The following TRIM6 variants were observed in gnomAD, a reference collection of about 807,000 sequenced individuals.
The protein encoded by TRIM6 is tripartite motif containing 6, also known as tripartite motif-containing protein 6.
TRIM6 carries 43 observed loss-of-function variants against 51.2 expected under a neutral mutation model. The ratio of observed to expected loss-of-function variants is 0.84; its 90% CI spans 0.66 to 1.08. The LOEUF is 1.08. Among genes scored for constraint, TRIM6 ranks in the 50% least tolerant of loss-of-function variants. The pLI is 0.00. For synonymous variants in TRIM6, 215 were observed against 232.4 expected (o/e 0.93, Z 0.68); for missense variants, 669 against 619.0 (o/e 1.08, Z -0.86).
chr11:5,601,047 G>T (rs1477727029), intron 1 of TRIM6, among the ~76,000 whole-genome samples: 1 of 152,176 alleles, frequency 6.6e-6, no homozygotes, highest in Non-Finnish European at 1.5e-5. Context: ...TCTCAATGAA[G>T]ATATAAGGTC....
At chr11:5,605,219 CCT>C in intron 3 of TRIM6, 116 bp from the exon 4 acceptor site, 1 of 1,352,524 alleles carries the variant, frequency 7.4e-7, no homozygotes, top group Non-Finnish European at 1.0e-6. Context: ...ATTTACCCTC[CCT>C]CTCCCTGGGA....
At position 5,596,912 on chromosome 11, in the gene TRIM6, G is replaced by A; in HGVS notation, c.15G>A (p.Glu5=). Residue 5 remains glutamate, a splice_region_variant and synonymous_variant, in exon 1 of 8, where the codon GAG becomes GAA. Transcript: ENST00000380097. The part of the protein sequence containing the change: MCGS[E]RILQAGNILE... Reference sequence around the variant, plus strand: ...TCATTCCCCAGATGTGCGGGTCAGAGAGGTATGTCTACCGTTCTGTTGACT... The same window carrying A: ...TCATTCCCCAGATGTGCGGGTCAGAAAGGTATGTCTACCGTTCTGTTGACT... 6.2e-7 allele frequency: 1 copy of A among 1,614,072 alleles called. No homozygotes were observed.
intron 3 of TRIM6, 35 bp from the exon 4 acceptor site, chr11:5,605,302 G>T: frequency 6.2e-7 from 1 of 1,612,852 alleles, no homozygotes; most frequent in South Asian, 1.1e-5. Flanking sequence ...CAGTGTGACC[G>T]ACTAGCAGCC....
At chr11:5,605,182 C>T in intron 3 of TRIM6, 155 bp from the exon 4 acceptor site, 1 of 998,482 alleles carries the variant, frequency 1.0e-6, no homozygotes, top group Non-Finnish European at 1.5e-6. Context: ...AAGGAAAGAA[C>T]AGGCTACAAA....
At chr11:5,597,293 G>A (rs554437365) in intron 1 of TRIM6, among the ~76,000 whole-genome samples, 1 of 152,270 alleles carries the variant, frequency 6.6e-6, no homozygotes, top group East Asian at 1.9e-4. Flanking sequence ...ATTTAAACAC[G>A]TAGGAGGCTG....
In TRIM6 at chr11:5,608,480, CAG is replaced by C; in HGVS notation, c.857+89_857+90del. The stretch of plus-strand genomic sequence containing the variant: ...GATCAGTGGGAAAGGGAAGAAGAAT[CAG>C]AGTGGGGAAGATTCAAGAGAGTAGT... On this transcript the variant is annotated intron_variant, in intron 5 of 7. Coordinates refer to ENST00000380097, the MANE Select transcript of TRIM6 (RefSeq NM_001003818.3). 3.8e-6 allele frequency: 6 copies of C among 1,585,356 alleles called. No individual in the cohort carries two copies. The Admixed American group carries it at 1.1e-4, about 28-fold the overall frequency.
chr11:5,597,981 A>C (rs1847576131), intron 1 of TRIM6, among the ~76,000 whole-genome samples: 1 of 152,086 alleles, frequency 6.6e-6, no homozygotes, highest in African/African-American at 2.4e-5. Flanking sequence ...TGCATAAAGA[A>C]CTCCAAGTGC....
intron 7 of TRIM6, 65 bp downstream of exon 7, chr11:5,610,626 G>T: frequency 6.3e-7 from 1 of 1,586,666 alleles, no homozygotes; most frequent in Non-Finnish European, 8.6e-7. Flanking sequence ...GCCCTCCCCA[G>T]ACATAGCCAC....
At position 5,603,505 on chromosome 11, in the gene TRIM6, C is replaced by G. The variant is rs1391296866; in HGVS notation, c.277C>G (p.Pro93Ala). Residue 93 changes from proline (P) to alanine (A), a missense_variant, in exon 2 of 8, where the codon CCA (proline) becomes GCA (alanine). Coordinates refer to ENST00000380097, the MANE Select transcript of TRIM6 (RefSeq NM_001003818.3). The stretch of plus-strand genomic sequence containing the variant: ...CCCTGTGTGCCAGACCAGCTACCAG[C>G]CAGGGAACCTGCGGCCTAATCGGCA... ...SCPVCQTSYQ[P>A]GNLRPNRHLA... 1 of 1,614,080 alleles carries G rather than the reference C, an allele frequency of 6.2e-7. No individual in the cohort carries two copies. Among genetic ancestry groups the G allele is most frequent in the South Asian group, 1.1e-5 (1 of 91,070 alleles).
chr11:5,596,536 T>TCCCCCTC (rs1847467571), upstream of TRIM6: 1 of 5,378 alleles, frequency 1.9e-4, no homozygotes, highest in Non-Finnish European at 4.3e-4. Flanking sequence ...CCTTCCCCCT[T>TCCCCCTC]CCCCCTTCCC....
chr11:5,611,143 TTC>T lies in TRIM6; in HGVS notation c.1357_1358del (p.Ser453HisfsTer15). On this transcript the variant is annotated frameshift_variant, in exon 8 of 8. Transcript: ENST00000380097. LOFTEE classifies it high-confidence loss of function. Reference sequence around the variant, plus strand: ...TATGAGGATTCTTCCCCTTCCCTGCTTCTCTCCATGACAGTGCCCCCTCGCCG... The same window carrying T: ...TATGAGGATTCTTCCCCTTCCCTGCTTCTCCATGACAGTGCCCCCTCGCCG... 1 of 1,614,156 alleles carries T rather than the reference TTC, an allele frequency of 6.2e-7. No homozygotes were observed. Among genetic ancestry groups the T allele is most frequent in the Non-Finnish European group, 8.5e-7 (1 of 1,180,014 alleles).
chr11:5,603,687 C>T lies in TRIM6; in HGVS notation c.459C>T (p.His153=). ...GGCTTTGTGAGCGGTCTCAGGAGCA[C>T]CGTGGTCACCACACGTTCCTCGTGG... ...ICWLCERSQE[H]RGHHTFLVEE... Residue 153 remains histidine, a synonymous_variant, in exon 2 of 8, where the codon CAC becomes CAT. Transcript: ENST00000380097. The T allele has an allele frequency of 1.9e-6, 3 of 1,613,228 alleles. No individual in the cohort carries two copies. Among genetic ancestry groups the T allele is most frequent in the African/African-American group, 1.3e-5 (1 of 74,756 alleles).
intron 1 of TRIM6, among the ~76,000 whole-genome samples, chr11:5,602,257 A>T (rs10838412): frequency 1.3e-5 from 2 of 149,366 alleles, no homozygotes; most frequent in South Asian, 4.2e-4. Context: ...TGGCTAACAC[A>T]GTGAAACCTC....
intron 1 of TRIM6, 99 bp from the exon 2 acceptor site, chr11:5,603,147 C>T (rs1847970220): frequency 6.6e-7 from 1 of 1,512,696 alleles, no homozygotes; most frequent in East Asian, 2.3e-5. Context: ...CTTGTTACCC[C>T]AGGTGTCTGA....
rs1047642528 is a variant in TRIM6, at chr11:5,612,267, T to G, written c.*925T>G. 2.0e-5 allele frequency: 3 copies of G among 152,228 alleles called. No individual in the cohort carries two copies. Among genetic ancestry groups the G allele is most frequent in the Admixed American group, 1.3e-4 (2 of 15,284 alleles). 9.4% of individuals were successfully genotyped at this position (152,228 alleles called of 1,614,324 possible). On this transcript the variant is annotated 3_prime_UTR_variant, in exon 8 of 8. Coordinates refer to ENST00000380097, the MANE Select transcript of TRIM6 (RefSeq NM_001003818.3). ...GCAAATAAATTACTTTGTTTTTGTA[T>G]AAGTATGTATAGGATTGAGCTCTAA...
intron 1 of TRIM6, among the ~76,000 whole-genome samples, chr11:5,602,208 A>G (rs1847901711): frequency 6.6e-6 from 1 of 152,128 alleles, no homozygotes; most frequent in Non-Finnish European, 1.5e-5. Flanking sequence ...TGGGAGGCCA[A>G]GGCGGGCGGA....
intron 5 of TRIM6, among the ~76,000 whole-genome samples, chr11:5,608,986 G>T (rs576892808): frequency 2.0e-5 from 3 of 150,610 alleles, no homozygotes; most frequent in Non-Finnish European, 4.4e-5. Flanking sequence ...TATTTCTCAA[G>T]GTCTAAGAAT....
At chr11:5,601,272 C>T (rs527361959) in intron 1 of TRIM6, among the ~76,000 whole-genome samples, 1 of 152,264 alleles carries the variant, frequency 6.6e-6, no homozygotes, top group East Asian at 1.9e-4. Context: ...TGAACTAGCA[C>T]CCTGGAAAGG....
At chr11:5,610,746 T>C in intron 7 of TRIM6, 31 bp from the exon 8 acceptor site, 1 of 1,607,198 alleles carries the variant, frequency 6.2e-7, no homozygotes, top group Non-Finnish European at 8.5e-7. Flanking sequence ...GTCCCCGTTC[T>C]CATCTGCTGA....
Sources: allele counts gnomAD v4.1 joint callset (sites outside exome capture counted in the v4.1 genomes callset), GRCh38; gene constraint gnomAD v4.1.1; transcripts MANE v1.5; gene names NCBI Gene and HGNC (gene_info 2026-07-23, HGNC 2026-07-21).